TSPAN19: variants seen among roughly 807,000 people sequenced by gnomAD.
TSPAN19 encodes tetraspanin-19.
In TSPAN19, 44 loss-of-function variants were observed where a neutral mutation model predicts 35.1. The observed-to-expected ratio is 1.25, with a 90% confidence interval of 0.98 to 1.61. The LOEUF (loss-of-function observed/expected upper bound fraction) is 1.61, where lower values mean the gene tolerates loss of function less well. Among genes scored for constraint, TSPAN19 ranks in the 40% most tolerant of loss-of-function variants. TSPAN19 has a pLI of 0.00. For synonymous variants in TSPAN19, 79 were observed against 92.0 expected (o/e 0.86, Z 0.81); for missense variants, 290 against 280.0 (o/e 1.04, Z -0.26).
chr12:85,028,004 T>A lies in TSPAN19; in HGVS notation c.159A>T (p.Ile53=), dbSNP rs778929438. 3 of 1,574,180 alleles carry A rather than the reference T, an allele frequency of 1.9e-6. No individual in the cohort carries two copies. Among genetic ancestry groups the A allele is most frequent in the Non-Finnish European group, 2.6e-6 (3 of 1,155,908 alleles). Residue 53 remains isoleucine, a synonymous_variant, in exon 4 of 9, where the codon ATA becomes ATT. Coordinates refer to ENST00000532498, the MANE Select transcript of TSPAN19 (RefSeq NM_001100917.2). ...CAATCAAAATTTGAGAAATAGGTAC[T>A]ATGAAGTGATTATTTTCATCTGTGA... ...LTAFDENNHF[I]VPISQILIGM...
rs1429557320 is a variant in TSPAN19, at chr12:85,017,505, G to A, written c.545C>T (p.Thr182Ile). 4 of 1,607,720 alleles carry A rather than the reference G, an allele frequency of 2.5e-6. No homozygotes were observed. Among genetic ancestry groups the A allele is most frequent in the Non-Finnish European group, 3.4e-6 (4 of 1,176,634 alleles). The change falls in exon 7 of 9, where the codon ACT (threonine) becomes ATT (isoleucine). Residue 182 changes from threonine to isoleucine, a missense_variant. By Grantham distance (89) the Thr-to-Ile change is moderately conservative. Transcript: ENST00000532498. ...GQVPCSCTKS[T>I]LRKWFCDEPL... ...CTCATCACAAAACCATTTTCTTAAA[G>A]TTGACTTTGTGCAAGAACATGGCAC...
rs186462173 is a variant in TSPAN19, at chr12:85,023,443, A to G, written c.265-43T>C. On this transcript the variant is annotated intron_variant, in intron 4 of 8. Coordinates refer to ENST00000532498, the MANE Select transcript of TSPAN19 (RefSeq NM_001100917.2). ...TAGAGATGATGACTATGCTACTAAT[A>G]TATGTTTTGTATGCTCAAATAATGG... 8 of 1,447,278 alleles carry G rather than the reference A, an allele frequency of 5.5e-6. No homozygotes were observed. In the East Asian group the frequency reaches 1.5e-4, roughly 27 times the overall value. 89.7% of individuals were successfully genotyped at this position (1,447,278 alleles called of 1,614,324 possible). A position where few individuals can be genotyped will look rare whatever the true frequency, so the allele number is the denominator to read the frequency against.
intron 1 of TSPAN19, among the ~76,000 whole-genome samples, chr12:85,031,673 G>A (rs76182390): frequency 0.027 from 4,179 of 152,222 alleles, 187 homozygotes; most frequent in African/African-American, 0.095. Context: ...GCTAACTCTG[G>A]CCTGTTCAAC....
chr12:85,030,971 T>C (rs1877657613), intron 1 of TSPAN19, among the ~76,000 whole-genome samples: 1 of 152,166 alleles, frequency 6.6e-6, no homozygotes, highest in Non-Finnish European at 1.5e-5. Context: ...GCAGATTTAA[T>C]AAGATTATTT....
chr12:85,030,828 T>A (rs905168526), intron 1 of TSPAN19, among the ~76,000 whole-genome samples: 3 of 152,122 alleles, frequency 2.0e-5, no homozygotes, highest in Non-Finnish European at 4.4e-5. Context: ...AAGTTTCAAA[T>A]CTAATCTTGA....
At position 85,014,493 on chromosome 12, in the gene TSPAN19, T is replaced by G; in HGVS notation, c.741A>C (p.Glu247Asp). Residue 247 changes from glutamate to aspartate, a missense_variant, in exon 9 of 9, where the codon GAA becomes GAC. Glu to Asp is a conservative substitution (Grantham distance 45). Transcript: ENST00000532498. ...FKNIKNIIHA[E>D]M ...ACAAATTGAAATCCAAAGGTCACAT[T>G]TCTGCATGGATTATATTCTTGATGT... The G allele has an allele frequency of 6.3e-7, 1 of 1,599,714 alleles. No individual in the cohort carries two copies. The highest frequency in any genetic ancestry group is 8.5e-7 in the Non-Finnish European group (1 of 1,171,836).
At chr12:85,015,680 C>G (rs895518122) in intron 8 of TSPAN19, 4 of 427,366 alleles carry the variant, frequency 9.4e-6, no homozygotes, top group Admixed American at 8.8e-5. Flanking sequence ...AATAAAATCA[C>G]TACCTCCAGG....
chr12:85,017,544 T>C lies in TSPAN19; in HGVS notation c.506A>G (p.Glu169Gly), dbSNP rs769031640. The C allele has an allele frequency of 5.0e-6, 8 of 1,598,166 alleles. No homozygotes were observed. Among genetic ancestry groups the C allele is most frequent in the Non-Finnish European group, 6.8e-6 (8 of 1,171,084 alleles). ...AGAACATGGCACCTGTCCTGAATTT[T>C]CTTTGTTCTTATTCTTTATCCAGTC... The part of the protein sequence containing the change: ...YTDWIKNKNK[E>G]NSGQVPCSCT... The change falls in exon 7 of 9, where the codon GAA (glutamate) becomes GGA (glycine). Residue 169 changes from glutamate (E) to glycine (G), a missense_variant. Transcript: ENST00000532498.
At chr12:85,025,792 T>C (rs1441834513) in intron 4 of TSPAN19, among the ~76,000 whole-genome samples, 1 of 76,930 alleles carries the variant, frequency 1.3e-5, no homozygotes, top group Non-Finnish European at 2.5e-5. Flanking sequence ...CCCAAAGTGC[T>C]GGGATTACAG....
intron 1 of TSPAN19, among the ~76,000 whole-genome samples, chr12:85,034,242 C>A (rs1877810673): frequency 6.6e-6 from 1 of 152,088 alleles, no homozygotes; most frequent in African/African-American, 2.4e-5. Context: ...ACCTGCTCTG[C>A]AACTATTTTG....
Position 85,023,394 on chromosome 12 carries a change from C to T in TSPAN19, c.271G>A (p.Val91Ile), listed in dbSNP as rs1160638085. The T allele has an allele frequency of 1.9e-6, 3 of 1,578,852 alleles. No homozygotes were observed. The highest frequency in any genetic ancestry group is 2.6e-6 in the Non-Finnish European group (3 of 1,161,004). Residue 91 changes from valine to isoleucine, a missense_variant, in exon 5 of 9, where the codon GTA (valine) becomes ATA (isoleucine). Val to Ile is a conservative substitution (Grantham distance 29, BLOSUM62 3). Coordinates refer to ENST00000532498, the MANE Select transcript of TSPAN19 (RefSeq NM_001100917.2). Reference protein sequence around the residue: ...EIRWLLIVYAVLITWTFAVQV... With the variant: ...EIRWLLIVYAILITWTFAVQV... ...ACAGCAAAGGTCCATGTTATCAATACTGCATACTAAAACAAAAGAAAAATA... is the reference window on the plus strand; with the variant it reads ...ACAGCAAAGGTCCATGTTATCAATATTGCATACTAAAACAAAAGAAAAATA...
At chr12:85,033,286 G>A (rs1877767339) in intron 1 of TSPAN19, among the ~76,000 whole-genome samples, 1 of 152,016 alleles carries the variant, frequency 6.6e-6, no homozygotes, top group Non-Finnish European at 1.5e-5. Flanking sequence ...GGCAAGAGAT[G>A]AAAGATAAGC....
chr12:85,035,457 T>C (rs79656740), intron 1 of TSPAN19, among the ~76,000 whole-genome samples: 1 of 152,184 alleles, frequency 6.6e-6, no homozygotes, highest in Non-Finnish European at 1.5e-5. Context: ...GTGCTTTTAA[T>C]ATGAGAAATC....
intron 4 of TSPAN19, among the ~76,000 whole-genome samples, chr12:85,024,242 T>C (rs1338638740): frequency 6.6e-6 from 1 of 152,218 alleles, no homozygotes; most frequent in Non-Finnish European, 1.5e-5. Flanking sequence ...CAAGAACATC[T>C]TATCTGAATT....
intron 3 of TSPAN19, 124 bp from the exon 4 acceptor site, chr12:85,028,147 A>T (rs1431070416): frequency 1.7e-5 from 12 of 712,034 alleles, no homozygotes; most frequent in Non-Finnish European, 2.4e-5. Flanking sequence ...TTGCCAAACC[A>T]CTAGGATTCT....
chr12:85,019,864 T>G, intron 5 of TSPAN19, 128 bp from the exon 6 acceptor site: 1 of 553,232 alleles, frequency 1.8e-6, no homozygotes, highest in South Asian at 2.7e-5. Context: ...TGTTTTCTGT[T>G]TATTTCTTTT....
intron 6 of TSPAN19, 50 bp downstream of exon 6, chr12:85,019,576 C>A (rs751849213): frequency 7.0e-6 from 8 of 1,144,002 alleles, no homozygotes; most frequent in African/African-American, 1.5e-5. Flanking sequence ...TCTCTTCTGT[C>A]CCACAGTGGT....
Position 85,014,589 on chromosome 12 carries a change from T to C in TSPAN19, c.679-34A>G, listed in dbSNP as rs764034110. Reference sequence around the variant, plus strand: ...AAAGGGAACAATAAGAGATTAAAATTTAATCAATGATAAGAGTAATTTGCA... The same window carrying C: ...AAAGGGAACAATAAGAGATTAAAATCTAATCAATGATAAGAGTAATTTGCA... On this transcript the variant is annotated intron_variant, in intron 8 of 8. Coordinates refer to ENST00000532498, the MANE Select transcript of TSPAN19 (RefSeq NM_001100917.2). The C allele has an allele frequency of 1.1e-4, 169 of 1,483,024 alleles. 2 individuals carry two copies. In the Admixed American group the frequency reaches 3.1e-3, roughly 27 times the overall value. 91.9% of individuals were successfully genotyped at this position (1,483,024 alleles called of 1,614,324 possible). A position where few individuals can be genotyped will look rare whatever the true frequency, so the allele number is the denominator to read the frequency against.
intron 1 of TSPAN19, among the ~76,000 whole-genome samples, chr12:85,031,398 A>G (rs562491218): frequency 6.5e-4 from 99 of 152,240 alleles, no homozygotes; most frequent in Non-Finnish European, 1.2e-3. Context: ...CACAGCCTGA[A>G]CGAGAAGATA....
Sources: allele counts gnomAD v4.1 joint callset (sites outside exome capture counted in the v4.1 genomes callset), GRCh38; gene constraint gnomAD v4.1.1; transcripts MANE v1.5; gene names NCBI Gene and HGNC (gene_info 2026-07-23, HGNC 2026-07-21).